The following VWDE variants were observed in gnomAD, a reference collection of about 807,000 sequenced individuals.
VWDE encodes von Willebrand factor D and EGF domains, also known as von Willebrand factor D and EGF domain-containing protein.
Under a neutral mutation model 178.4 loss-of-function variants are expected in VWDE, and 207 were observed. That is an observed-to-expected ratio of 1.16 (90% CI 1.04 to 1.30). VWDE has a LOEUF of 1.30. VWDE is among the 50% of genes most tolerant of loss of function. The probability of loss-of-function intolerance (pLI) is 0.00; values close to 1 mark genes in which losing one functional copy is unlikely to be tolerated. For synonymous variants in VWDE, 738 were observed against 651.4 expected, an observed-to-expected ratio of 1.13 and a Z score of -2.02; for missense variants, 2,287 against 1,901.3, an observed-to-expected ratio of 1.20 and a Z score of -3.77.
chr7:12,331,828 C>T (rs1254940926), intron 28 of VWDE, among the ~76,000 whole-genome samples: 1 of 152,118 alleles, frequency 6.6e-6, no homozygotes, highest in African/African-American at 2.4e-5. Flanking sequence ...GGTTATGATG[C>T]TTCTCAAAGC....
At chr7:12,359,775 T>C (rs913777454) in intron 15 of VWDE, 83 bp from the exon 16 acceptor site, 2 of 777,600 alleles carry the variant, frequency 2.6e-6, no homozygotes, top group African/African-American at 3.5e-5. Context: ...GCAGTGTATG[T>C]ATTGATGATT....
At chr7:12,384,915 T>C (rs1359593785) in intron 3 of VWDE, among the ~76,000 whole-genome samples, 2 of 152,126 alleles carry the variant, frequency 1.3e-5, no homozygotes, top group African/African-American at 4.8e-5. Context: ...ATTTTTAACT[T>C]CTCATAGGCT....
chr7:12,339,921 T>C (rs1781237048), intron 24 of VWDE, among the ~76,000 whole-genome samples: 1 of 152,134 alleles, frequency 6.6e-6, no homozygotes, highest in African/African-American at 2.4e-5. Flanking sequence ...TCATAAATGT[T>C]TAATGAAACT....
chr7:12,341,320 C>T (rs73294303), intron 23 of VWDE, among the ~76,000 whole-genome samples: 2,842 of 152,194 alleles, frequency 0.019, 83 homozygotes, highest in African/African-American at 0.065. Context: ...ACATAGATAA[C>T]TGCAAACATT....
intron 2 of VWDE, among the ~76,000 whole-genome samples, chr7:12,389,814 G>T (rs1032526320): frequency 2.0e-5 from 3 of 152,182 alleles, no homozygotes; most frequent in Non-Finnish European, 4.4e-5. Flanking sequence ...AAATCGGGGA[G>T]AAGGAAGGTA....
At chr7:12,380,830 T>C in intron 4 of VWDE, 97 bp from the exon 5 acceptor site, 5 of 1,383,442 alleles carry the variant, frequency 3.6e-6, no homozygotes, top group African/African-American at 1.5e-5. Flanking sequence ...GTGGTTTATC[T>C]TAAGAAAAAG....
intron 3 of VWDE, among the ~76,000 whole-genome samples, chr7:12,385,312 G>A (rs917592549): frequency 6.6e-6 from 1 of 152,084 alleles, no homozygotes; most frequent in African/African-American, 2.4e-5. Flanking sequence ...GCTATTGGTT[G>A]TAGACAGCAA....
At chr7:12,402,254 A>C (rs1784935518) in intron 1 of VWDE, among the ~76,000 whole-genome samples, 1 of 152,224 alleles carries the variant, frequency 6.6e-6, no homozygotes, top group Non-Finnish European at 1.5e-5. Context: ...ATACCTGTAA[A>C]TATACTCTGA....
rs945576361 is a variant in VWDE, at chr7:12,403,676, A to T, written c.41T>A (p.Phe14Tyr). 1.3e-6 allele frequency: 2 copies of T among 1,547,314 alleles called. No homozygotes were observed. Among genetic ancestry groups the T allele is most frequent in the Non-Finnish European group, 1.7e-6 (2 of 1,146,446 alleles). Residue 14 changes from phenylalanine (F) to tyrosine (Y), a missense_variant, in exon 1 of 29, where the codon TTC (phenylalanine) becomes TAC (tyrosine). Transcript: ENST00000275358. ...TCGCTTACCTTCCCCCCAGGCCAGGAACATCAGCGCGATCACCAGCACGCA... is the reference window on the plus strand; with the variant it reads ...TCGCTTACCTTCCCCCCAGGCCAGGTACATCAGCGCGATCACCAGCACGCA... The part of the protein sequence containing the change: ...GACVLVIALM[F>Y]LAWGEAQECS...
intron 7 of VWDE, 82 bp from the exon 8 acceptor site, chr7:12,375,309 A>G: frequency 9.7e-7 from 1 of 1,032,154 alleles, no homozygotes; most frequent in Non-Finnish European, 1.4e-6. Context: ...AACATGAAAC[A>G]CTGAATTGTA....
chr7:12,382,967 T>C (rs528774465), intron 4 of VWDE, among the ~76,000 whole-genome samples: 10 of 151,984 alleles, frequency 6.6e-5, no homozygotes, highest in South Asian at 4.1e-4. Flanking sequence ...ATCAACATCA[T>C]TGATGTTTGT....
intron 4 of VWDE, among the ~76,000 whole-genome samples, chr7:12,382,487 A>C (rs777188133): frequency 1.3e-5 from 2 of 151,900 alleles, no homozygotes; most frequent in African/African-American, 2.4e-5. Flanking sequence ...TAGGGCATGA[A>C]ATAGAGCATG....
chr7:12,383,699 C>A (rs567807897), intron 3 of VWDE, 98 bp from the exon 4 acceptor site: 1 of 985,510 alleles, frequency 1.0e-6, no homozygotes, highest in Admixed American at 2.6e-5. Flanking sequence ...TGATTTAATA[C>A]AGACTAAGAC....
chr7:12,344,640 T>A (rs926515679), intron 19 of VWDE, among the ~76,000 whole-genome samples, 171 bp from the exon 20 acceptor site: 2 of 152,090 alleles, frequency 1.3e-5, no homozygotes, highest in African/African-American at 4.8e-5. Context: ...CTTGCTTAAG[T>A]TTAGTCTCAA....
chr7:12,388,706 G>A, intron 3 of VWDE: 1 of 293,418 alleles, frequency 3.4e-6, no homozygotes. Context: ...GTAACTCTGA[G>A]GCCTTAAATA....
At chr7:12,383,462 T>C in intron 4 of VWDE, 74 bp downstream of exon 4, 2 of 1,176,566 alleles carry the variant, frequency 1.7e-6, no homozygotes, top group East Asian at 5.2e-5. Flanking sequence ...CATCCAAAGC[T>C]GCAGAATATA....
At position 12,369,527 on chromosome 7, in the gene VWDE, T is replaced by C. The variant is rs757943695; in HGVS notation, c.2761+18A>G. ...GAAATATCACATGCAATATCAAACTTTGAGAGTACTTACTTACCATAGGAA... is the reference window on the plus strand; with the variant it reads ...GAAATATCACATGCAATATCAAACTCTGAGAGTACTTACTTACCATAGGAA... On this transcript the variant is annotated intron_variant, in intron 12 of 28. Coordinates refer to ENST00000275358, the MANE Select transcript of VWDE (RefSeq NM_001135924.3). The C allele has an allele frequency of 5.6e-5, 84 of 1,495,342 alleles. No homozygotes were observed. Among genetic ancestry groups the C allele is most frequent in the Middle Eastern group, 5.3e-4 (3 of 5,692 alleles). 92.6% of individuals were successfully genotyped at this position (1,495,342 alleles called of 1,614,324 possible).
rs1347751863 is a variant in VWDE at position 12,333,555 on chromosome 7, T to C, written c.4668A>G (p.Pro1556=). The C allele has an allele frequency of 6.4e-7, 1 of 1,550,746 alleles. No individual in the cohort carries two copies. Among genetic ancestry groups the C allele is most frequent in the Non-Finnish European group, 8.7e-7 (1 of 1,146,408 alleles). ...TGCATCTGCCTCCATAAAGACATTT[T>C]GGGTTGCAAATTGCTGCAATACACA... ...GVRCQIPICN[P]KCLYGGRCIF... is the part of the protein sequence containing the mutation. The change falls in exon 28 of 29, where the codon CCA becomes CCG. Residue 1556 remains proline, a synonymous_variant. Transcript: ENST00000275358.
Position 12,344,223 on chromosome 7 carries a change from T to A in VWDE, c.4050A>T (p.Pro1350=). 6.4e-7 allele frequency: 1 copy of A among 1,551,250 alleles called. No homozygotes were observed. Among genetic ancestry groups the A allele is most frequent in the Non-Finnish European group, 8.7e-7 (1 of 1,146,624 alleles). Residue 1350 remains proline, a synonymous_variant, in exon 21 of 29, where the codon CCA becomes CCT. Coordinates refer to ENST00000275358, the MANE Select transcript of VWDE (RefSeq NM_001135924.3). ...CIKPNICQCL[P]GHGGATCDEE... ...CATCACAGGTTGCTCCACCATGTCC[T>A]GGAAGACACTGACAAATGTTAGGCT...
Sources: gnomAD v4.1 joint callset for allele counts (sites outside exome capture counted in the v4.1 genomes callset) on GRCh38, gnomAD v4.1.1 for gene constraint, MANE v1.5 for transcripts, NCBI Gene and HGNC (gene_info 2026-07-23, HGNC 2026-07-21) for gene names.